BICRA: variants seen among roughly 807,000 people sequenced by gnomAD.
BICRA encodes the protein BRD4-interacting chromatin-remodeling complex-associated protein.
A neutral mutation model predicts 96.9 loss-of-function variants in BICRA; 31 were observed. The observed-to-expected ratio is 0.32, with a 90% CI of 0.24 to 0.43. BICRA has a LOEUF of 0.43. BICRA is among the 20% of genes least tolerant of loss of function. The pLI is 1.00. For missense variants in BICRA, 2,283 were observed against 2,190.3 expected (o/e 1.04, Z -0.84); for synonymous variants, 1,350 against 1,071.8 (o/e 1.26, Z -5.07).
chr19:47,617,201 T>C (rs1338289656), intron 1 of BICRA, among the ~76,000 whole-genome samples: 1 of 152,078 alleles, frequency 6.6e-6, no homozygotes, highest in Non-Finnish European at 1.5e-5. Flanking sequence ...GTCTCCAACT[T>C]CTGGGCTCAA....
chr19:47,689,674 G>A (rs1256508458), intron 7 of BICRA, among the ~76,000 whole-genome samples: 2 of 72,126 alleles, frequency 2.8e-5, no homozygotes, highest in African/African-American at 8.2e-5. Flanking sequence ...GCCTCCCAAA[G>A]TACTGGGATT....
chr19:47,618,789 T>A (rs2913994), intron 1 of BICRA, among the ~76,000 whole-genome samples: 29,635 of 152,194 alleles, frequency 0.19, 3,220 homozygotes, highest in Middle Eastern at 0.28. Context: ...CTTGGGGTCC[T>A]TGAGGGAGCG....
In BICRA at chr19:47,679,383, T is replaced by G; in HGVS notation, c.213T>G (p.Ser71Arg). 1 of 1,435,866 alleles carries G rather than the reference T, an allele frequency of 7.0e-7. No homozygotes were observed. The highest frequency in any genetic ancestry group is 9.2e-7 in the Non-Finnish European group (1 of 1,092,172). 88.9% of individuals were successfully genotyped at this position (1,435,866 alleles called of 1,614,324 possible). The part of the protein sequence containing the change: ...LNPEPNQPAP[S>R]VDLDFLEDDI... ...CAGAGCCCAACCAGCCGGCCCCCAG[T>G]GTGGACCTAGACTTCCTGGAAGATG... The change falls in exon 6 of 15, where the codon AGT becomes AGG. Residue 71 changes from serine (S) to arginine (R), a missense_variant. By Grantham distance (110) the Ser-to-Arg change is moderately radical. Coordinates refer to ENST00000594866, the MANE Select transcript of BICRA (RefSeq NM_001394372.1).
chr19:47,695,377 T>A lies in BICRA; in HGVS notation c.3089T>A (p.Leu1030Gln). ...CACCCACCCCCAGGCCTCCCTCCTC[T>A]GCTTCCAGCCGAGAACAAGGCTTTT... is the stretch of plus-strand genomic sequence containing the variant. The part of the protein sequence containing the change: ...APMAATGLPP[L>Q]LPAENKAFAS... The change falls in exon 10 of 15, where the codon CTG becomes CAG. Residue 1030 changes from leucine to glutamine, a missense_variant. Physicochemically the swap from Leu to Gln is moderately radical, Grantham distance 113. Coordinates refer to ENST00000594866, the MANE Select transcript of BICRA (RefSeq NM_001394372.1). The A allele has an allele frequency of 1.1e-6, 1 of 928,094 alleles. No homozygotes were observed. The highest frequency in any genetic ancestry group is 1.5e-6 in the Non-Finnish European group (1 of 679,530). 57.5% of individuals were successfully genotyped at this position (928,094 alleles called of 1,614,324 possible). A position where few individuals can be genotyped will look rare whatever the true frequency, so the allele number is the denominator to read the frequency against.
At position 47,675,549 on chromosome 19, in the gene BICRA, G is replaced by A. The variant is rs950643885; in HGVS notation, c.85-302G>A. Among the ~76,000 whole-genome samples, 1 of 152,216 alleles carries A rather than the reference G, an allele frequency of 6.6e-6. No homozygotes were observed. The highest frequency in any genetic ancestry group is 1.5e-5 in the Non-Finnish European group (1 of 68,040). Reference sequence around the variant, plus strand: ...GCTACTGGAGAGACTGGGGGGCAGTGGCAGGGCGCAGCTTGGGCAGAGGCG... The same window carrying A: ...GCTACTGGAGAGACTGGGGGGCAGTAGCAGGGCGCAGCTTGGGCAGAGGCG... On this transcript the variant is annotated intron_variant, in intron 4 of 14. Coordinates refer to ENST00000594866, the MANE Select transcript of BICRA (RefSeq NM_001394372.1). This position sits in a 1 kb window ranked among gnomAD's most constrained non-coding sequence, Gnocchi z 4.7.
chr19:47,665,478 T>C (rs905605461), intron 1 of BICRA, among the ~76,000 whole-genome samples: 1 of 152,128 alleles, frequency 6.6e-6, no homozygotes, highest in Non-Finnish European at 1.5e-5. Context: ...GTTTTGGTTT[T>C]GTTTTTTTTG....
chr19:47,683,319 A>T (rs562104440), intron 7 of BICRA, among the ~76,000 whole-genome samples: 2 of 151,610 alleles, frequency 1.3e-5, no homozygotes, highest in Non-Finnish European at 2.9e-5. Flanking sequence ...GCCAATCTAG[A>T]TAGGTGAAAA....
At chr19:47,687,445 C>T (rs890231424) in intron 7 of BICRA, among the ~76,000 whole-genome samples, 18 of 151,820 alleles carry the variant, frequency 1.2e-4, no homozygotes, top group Non-Finnish European at 2.4e-4. Context: ...TTATTCAGTC[C>T]CCTCTTGAGG....
At chr19:47,632,879 C>T (rs560819066) in intron 1 of BICRA, among the ~76,000 whole-genome samples, 3 of 152,152 alleles carry the variant, frequency 2.0e-5, no homozygotes, top group African/African-American at 7.2e-5. Flanking sequence ...GTCTCCTTCT[C>T]AGGCAAGTTC....
Position 47,694,446 on chromosome 19 carries a change from C to G in BICRA, c.2615C>G (p.Pro872Arg). Reference sequence around the variant, plus strand: ...CCCCAGTCCCAGCCGCCTGAGGGACCGCTGCCCCCAGCCCCCCACCTCCCT... The same window carrying G: ...CCCCAGTCCCAGCCGCCTGAGGGACGGCTGCCCCCAGCCCCCCACCTCCCT... Reference protein sequence around the residue: ...LRPQSQPPEGPLPPAPHLPPS... With the variant: ...LRPQSQPPEGRLPPAPHLPPS... The change falls in exon 8 of 15, where the codon CCG (proline) becomes CGG (arginine). Residue 872 changes from proline to arginine, a missense_variant. Coordinates refer to ENST00000594866, the MANE Select transcript of BICRA (RefSeq NM_001394372.1). The G allele has an allele frequency of 9.0e-7, 1 of 1,105,316 alleles. No homozygotes were observed. Among genetic ancestry groups the G allele is most frequent in the South Asian group, 1.3e-5 (1 of 76,752 alleles). 68.5% of individuals were successfully genotyped at this position (1,105,316 alleles called of 1,614,324 possible). A position where few individuals can be genotyped will look rare whatever the true frequency, so the allele number is the denominator to read the frequency against.
At chr19:47,611,623 A>G (rs370517674) in intron 1 of BICRA, among the ~76,000 whole-genome samples, 89 of 152,260 alleles carry the variant, frequency 5.8e-4, no homozygotes, top group African/African-American at 1.8e-3. Context: ...TTGCCACACC[A>G]TGGCCCTTTG....
At chr19:47,610,608 ACC>A (rs35080234) in intron 1 of BICRA, among the ~76,000 whole-genome samples, 78 of 135,058 alleles carry the variant, frequency 5.8e-4, no homozygotes, top group African/African-American at 1.7e-3. Context: ...CCCTTTTGTC[ACC>A]CCCCCCCCAC....
chr19:47,642,616 C>T (rs1345552409), intron 1 of BICRA, among the ~76,000 whole-genome samples: 1 of 152,094 alleles, frequency 6.6e-6, no homozygotes, highest in Non-Finnish European at 1.5e-5. Flanking sequence ...GCAGGAGGAC[C>T]TCTTGAGCCC....
chr19:47,630,159 C>CTTT (rs778786532), intron 1 of BICRA, among the ~76,000 whole-genome samples: 29 of 103,428 alleles, frequency 2.8e-4, no homozygotes, highest in East Asian at 2.2e-3. Flanking sequence ...TTGGCCAATT[C>CTTT]TTTTTTTTTT....
intron 1 of BICRA, among the ~76,000 whole-genome samples, chr19:47,638,576 CTG>C (rs1303692745): frequency 1.3e-5 from 2 of 148,886 alleles, no homozygotes; most frequent in African/African-American, 5.0e-5. Flanking sequence ...GTAAGCATCT[CTG>C]TCACTCGCTC....
chr19:47,646,525 C>T (rs1235264059), intron 1 of BICRA, among the ~76,000 whole-genome samples: 2 of 152,114 alleles, frequency 1.3e-5, no homozygotes, highest in East Asian at 1.9e-4. Context: ...AGCCTTAGCC[C>T]GGGGATTTGA....
rs550908276 is a variant in BICRA at position 47,648,344 on chromosome 19, G to A, written c.-107-22099G>A. Among the ~76,000 whole-genome samples the A allele has an allele frequency of 7.2e-5, 11 of 152,134 alleles. No homozygotes were observed. In the South Asian group the frequency reaches 1.7e-3, roughly 23 times the overall value. ...TCAGGCCTAGGTCAGGCGCCTGACAGCGTCACCTGTGGCCACTGAGAATCA... is the reference window on the plus strand; with the variant it reads ...TCAGGCCTAGGTCAGGCGCCTGACAACGTCACCTGTGGCCACTGAGAATCA... On this transcript the variant is annotated intron_variant, in intron 1 of 14. Coordinates refer to ENST00000594866, the MANE Select transcript of BICRA (RefSeq NM_001394372.1).
At chr19:47,646,272 G>A (rs915081449) in intron 1 of BICRA, among the ~76,000 whole-genome samples, 1 of 152,178 alleles carries the variant, frequency 6.6e-6, no homozygotes, top group Non-Finnish European at 1.5e-5. Flanking sequence ...TCACAGTGTG[G>A]ACACCAGGGT....
chr19:47,621,077 A>C (rs1972058408), intron 1 of BICRA, among the ~76,000 whole-genome samples: 2 of 152,134 alleles, frequency 1.3e-5, no homozygotes, highest in Non-Finnish European at 2.9e-5. Flanking sequence ...CCTGGGAGGT[A>C]GGTCAGGATT....
Sources: gnomAD v4.1 joint callset for allele counts (sites outside exome capture counted in the v4.1 genomes callset) on GRCh38, gnomAD v4.1.1 for gene constraint, Gnocchi (gnomAD v3.1) non-coding constraint, MANE v1.5 for transcripts, NCBI Gene and HGNC (gene_info 2026-07-23, HGNC 2026-07-21) for gene names.